PROM1: variants seen among roughly 807,000 people sequenced by gnomAD.
The protein encoded by PROM1 is prominin 1, also known as prominin-1.
PROM1 carries 105 observed loss-of-function variants against 116.9 expected under a neutral mutation model. The ratio of observed to expected loss-of-function variants is 0.90; its 90% CI spans 0.77 to 1.06. The LOEUF is 1.06. PROM1 is among the 50% of genes least tolerant of loss of function. The pLI, the probability that PROM1 is intolerant of heterozygous loss-of-function variation, is 0.00. For synonymous variants in PROM1, 393 were observed against 387.0 expected (o/e 1.02, Z -0.18); for missense variants, 1,122 against 1,045.2 (o/e 1.07, Z -1.01).
chr4:15,983,118 A>C (rs1718385624), intron 23 of PROM1, among the ~76,000 whole-genome samples: 1 of 152,258 alleles, frequency 6.6e-6, no homozygotes, highest in South Asian at 2.1e-4. Context: ...ATAAATATGT[A>C]ATTGAAACAG....
chr4:16,005,141 T>G (rs1235321798), intron 13 of PROM1, among the ~76,000 whole-genome samples: 1 of 152,026 alleles, frequency 6.6e-6, no homozygotes, highest in African/African-American at 2.4e-5. Flanking sequence ...TTTTGTATTT[T>G]TAGTAGACAT....
At chr4:15,980,022 G>C in intron 24 of PROM1, 118 bp from the exon 25 acceptor site, 1 of 663,750 alleles carries the variant, frequency 1.5e-6, no homozygotes, top group Non-Finnish European at 2.6e-6. Flanking sequence ...ACTCAGGAAA[G>C]ACCCATGTTG....
intron 2 of PROM1, among the ~76,000 whole-genome samples, chr4:16,071,767 T>C (rs1742875273): frequency 6.6e-6 from 1 of 152,194 alleles, no homozygotes; most frequent in South Asian, 2.1e-4. Flanking sequence ...TAAATGCCTG[T>C]TGTTTAAGTT....
intron 2 of PROM1, among the ~76,000 whole-genome samples, chr4:16,069,772 A>G (rs1267585126): frequency 6.6e-6 from 1 of 152,266 alleles, no homozygotes; most frequent in Non-Finnish European, 1.5e-5. Flanking sequence ...TCAACTGAGC[A>G]AAGAATGATT....
intron 1 of PROM1, chr4:16,079,279 G>A (rs890613445): frequency 6.6e-6 from 1 of 152,176 alleles, no homozygotes; most frequent in Non-Finnish European, 1.5e-5. Context: ...TGACAAAGCA[G>A]GGGAAGGGAA....
At chr4:16,011,957 CT>C (rs1205720158) in intron 11 of PROM1, among the ~76,000 whole-genome samples, 1 of 152,122 alleles carries the variant, frequency 6.6e-6, no homozygotes, top group African/African-American at 2.4e-5. Flanking sequence ...TAGAAGATAG[CT>C]TTACATAGCT....
chr4:16,023,369 G>A lies in PROM1; in HGVS notation c.741C>T (p.Pro247=). Residue 247 remains proline (P), a synonymous_variant, in exon 8 of 28, where the codon CCC becomes CCT. Transcript: ENST00000447510. ...LGGGILDRLR[P]NIIPVLDEIK... ...TCTCATCAAGAACAGGGATGATGTT[G>A]GGTCTCAGTCGGTCAAGAATTCCGC... is the stretch of plus-strand genomic sequence containing the variant. 1 of 1,607,970 alleles carries A rather than the reference G, an allele frequency of 6.2e-7. No homozygotes were observed. The highest frequency in any genetic ancestry group is 8.5e-7 in the Non-Finnish European group (1 of 1,176,932).
At chr4:15,987,544 G>T in intron 20 of PROM1, 119 bp downstream of exon 20, 2 of 1,053,746 alleles carry the variant, frequency 1.9e-6, no homozygotes, top group Non-Finnish European at 2.9e-6. Context: ...TTTAAAATAG[G>T]TAGATAACTG....
At chr4:16,071,849 A>G (rs2149565070) in intron 2 of PROM1, among the ~76,000 whole-genome samples, 1 of 152,292 alleles carries the variant, frequency 6.6e-6, no homozygotes. Flanking sequence ...AGTCTCCTAC[A>G]TGCCCTAGAC....
intron 15 of PROM1, among the ~76,000 whole-genome samples, chr4:15,995,239 C>T (rs1359596957): frequency 1.3e-5 from 2 of 151,550 alleles, no homozygotes; most frequent in African/African-American, 4.9e-5. Flanking sequence ...GTGGTTGGGT[C>T]ACATCACATC....
chr4:15,999,210 G>T (rs1055999855), intron 14 of PROM1, among the ~76,000 whole-genome samples: 4 of 150,750 alleles, frequency 2.7e-5, no homozygotes, highest in South Asian at 2.2e-4. Context: ...TGTGGCTCAC[G>T]CCTGTAATCC....
chr4:16,041,508 T>G lies in PROM1; in HGVS notation c.221-2507A>C, dbSNP rs1182499785. On this transcript the variant is annotated intron_variant, in intron 2 of 27. Coordinates refer to ENST00000447510, the MANE Select transcript of PROM1 (RefSeq NM_006017.3). ...AAGAAAAGTTGATGGCCAGGCACAG[T>G]GGCTCACACCTGTCATCCTAGCACT... Among the ~76,000 whole-genome samples the G allele has an allele frequency of 2.0e-5, 3 of 152,192 alleles. No individual in the cohort carries two copies. In the East Asian group the frequency reaches 5.8e-4, roughly 29 times the overall value.
intron 17 of PROM1, among the ~76,000 whole-genome samples, chr4:15,992,019 A>T (rs957018731): frequency 2.0e-5 from 3 of 151,524 alleles, no homozygotes; most frequent in Admixed American, 6.6e-5. Flanking sequence ...AAATGGGGGC[A>T]ACTGCTTTGG....
chr4:16,052,469 A>G (rs928867170), intron 2 of PROM1, among the ~76,000 whole-genome samples: 2 of 152,166 alleles, frequency 1.3e-5, no homozygotes, highest in African/African-American at 4.8e-5. Context: ...ACAGCACTAT[A>G]GTAAATGCTT....
At chr4:16,008,070 T>G (rs1725956517) in intron 12 of PROM1, among the ~76,000 whole-genome samples, 1 of 152,184 alleles carries the variant, frequency 6.6e-6, no homozygotes, top group Non-Finnish European at 1.5e-5. Flanking sequence ...AGAAAGTGCT[T>G]GGTGGGCACA....
chr4:16,033,186 G>GTT, intron 5 of PROM1, 118 bp downstream of exon 5: 17 of 861,446 alleles, frequency 2.0e-5, no homozygotes, highest in Admixed American at 6.0e-5. Context: ...TGTTTGGTGG[G>GTT]TTTTTTTTTC....
intron 8 of PROM1, among the ~76,000 whole-genome samples, chr4:16,021,781 G>A (rs770259730): frequency 2.6e-5 from 4 of 152,066 alleles, no homozygotes; most frequent in Non-Finnish European, 4.4e-5. Flanking sequence ...GGTGGTCCAG[G>A]TAACACGGGC....
chr4:16,041,083 T>A (rs141789261), intron 2 of PROM1, among the ~76,000 whole-genome samples: 142 of 152,326 alleles, frequency 9.3e-4, no homozygotes, highest in African/African-American at 3.1e-3. Flanking sequence ...CCAAGACATG[T>A]TCAGGGTGTC....
At chr4:16,074,704 C>A (rs1743570605) in intron 2 of PROM1, among the ~76,000 whole-genome samples, 1 of 152,130 alleles carries the variant, frequency 6.6e-6, no homozygotes, top group African/African-American at 2.4e-5. Context: ...AAAACCAATA[C>A]AAATGTATTT....
Sources: allele counts gnomAD v4.1 joint callset (sites outside exome capture counted in the v4.1 genomes callset), GRCh38; gene constraint gnomAD v4.1.1; transcripts MANE v1.5; gene names NCBI Gene and HGNC (gene_info 2026-07-23, HGNC 2026-07-21).